TMEM131L: variants seen among roughly 807,000 people sequenced by gnomAD.
TMEM131L encodes transmembrane 131 like, also known as transmembrane protein 131-like.
A neutral mutation model predicts 192.2 loss-of-function variants in TMEM131L; 54 were observed. The ratio of observed to expected loss-of-function variants is 0.28; its 90% CI spans 0.23 to 0.35. The LOEUF is 0.35. Ranked by LOEUF, TMEM131L falls within the 10% of genes least tolerant of loss-of-function variation. The pLI is 1.00. For missense variants in TMEM131L, 1,888 were observed against 1,972.9 expected (o/e 0.96, Z 0.82); for synonymous variants, 701 against 704.9 (o/e 0.99, Z 0.09).
intron 3 of TMEM131L, among the ~76,000 whole-genome samples, chr4:153,497,878 C>CAAAAAAAAA (rs200874155): frequency 4.3e-5 from 3 of 70,342 alleles, no homozygotes; most frequent in African/African-American, 1.5e-4. Context: ...GAAAAATTTC[C>CAAAAAAAAA]AAAAAAAAAA....
chr4:153,564,656 G>A (rs943065807), intron 7 of TMEM131L, among the ~76,000 whole-genome samples: 2 of 152,144 alleles, frequency 1.3e-5, no homozygotes, highest in African/African-American at 4.8e-5. Flanking sequence ...GACAGGCTGA[G>A]GCTCTCCTCC....
chr4:153,580,062 A>G (rs1468337929), intron 7 of TMEM131L, among the ~76,000 whole-genome samples: 1 of 152,200 alleles, frequency 6.6e-6, no homozygotes, highest in Non-Finnish European at 1.5e-5. Flanking sequence ...AACTTAATGA[A>G]AGAGGAAGTC....
At chr4:153,573,260 C>G (rs373611122) in intron 7 of TMEM131L, among the ~76,000 whole-genome samples, 41 of 152,374 alleles carry the variant, frequency 2.7e-4, no homozygotes, top group African/African-American at 9.1e-4. Context: ...TAGCCTAATT[C>G]TCGCCACAGC....
intron 3 of TMEM131L, among the ~76,000 whole-genome samples, chr4:153,508,584 G>A (rs978590465): frequency 4.6e-5 from 7 of 151,766 alleles, no homozygotes; most frequent in East Asian, 3.9e-4. Context: ...CGTTGATAAT[G>A]TTTTCCACTA....
chr4:153,523,113 G>A (rs1428911351), intron 3 of TMEM131L, among the ~76,000 whole-genome samples: 1 of 152,118 alleles, frequency 6.6e-6, no homozygotes, highest in Non-Finnish European at 1.5e-5. Context: ...ATAGTTTAAG[G>A]CCATAGGATT....
chr4:153,609,984 G>A (rs1732504100), intron 25 of TMEM131L, among the ~76,000 whole-genome samples: 1 of 152,080 alleles, frequency 6.6e-6, no homozygotes, highest in Non-Finnish European at 1.5e-5. Flanking sequence ...ATATCTAACC[G>A]CCAGTTTGTG....
chr4:153,549,272 G>A (rs1267984763), intron 3 of TMEM131L, among the ~76,000 whole-genome samples: 1 of 152,180 alleles, frequency 6.6e-6, no homozygotes, highest in Non-Finnish European at 1.5e-5. Flanking sequence ...CAGCCAAAAA[G>A]ATTCTATTTT....
At chr4:153,627,259 C>T (rs1733910787) in intron 30 of TMEM131L, among the ~76,000 whole-genome samples, 2 of 152,160 alleles carry the variant, frequency 1.3e-5, no homozygotes, top group Non-Finnish European at 2.9e-5. Flanking sequence ...TTTCTGTCAT[C>T]TCTGACTAGG....
rs1734492233 is a variant in TMEM131L at position 153,635,302 on chromosome 4, A to C, written c.4418-130A>C. On this transcript the variant is annotated intron_variant, in intron 33 of 34. Transcript: ENST00000409959. ...GATGTTGCAACGACTCTCCTGGTCCACACGGACCAAGTATTTATGTCTGTA... is the reference window on the plus strand; with the variant it reads ...GATGTTGCAACGACTCTCCTGGTCCCCACGGACCAAGTATTTATGTCTGTA... 8.7e-6 allele frequency: 7 copies of C among 803,910 alleles called. No individual in the cohort carries two copies. In the East Asian group the frequency reaches 1.8e-4, roughly 21 times the overall value. 49.8% of individuals were successfully genotyped at this position (803,910 alleles called of 1,614,324 possible).
At chr4:153,570,449 T>A (rs1429735635) in intron 7 of TMEM131L, among the ~76,000 whole-genome samples, 2 of 152,070 alleles carry the variant, frequency 1.3e-5, no homozygotes, top group Non-Finnish European at 2.9e-5. Flanking sequence ...CTAATCTGGG[T>A]ACTTTGGGGG....
chr4:153,584,784 A>G (rs770442720), intron 11 of TMEM131L, 51 bp from the exon 12 acceptor site: 1 of 1,299,060 alleles, frequency 7.7e-7, no homozygotes. Flanking sequence ...GTTCAGGCTT[A>G]ATGAAAGAAA....
At chr4:153,626,014 A>G (rs1733819703) in intron 29 of TMEM131L, 133 bp from the exon 30 acceptor site, 14 of 590,546 alleles carry the variant, frequency 2.4e-5, no homozygotes, top group Non-Finnish European at 4.2e-5. Flanking sequence ...TAATTAAAAA[A>G]TGTGAGAATA....
At chr4:153,517,743 A>C (rs1734834535) in intron 3 of TMEM131L, among the ~76,000 whole-genome samples, 1 of 152,206 alleles carries the variant, frequency 6.6e-6, no homozygotes, top group Admixed American at 6.5e-5. Flanking sequence ...TCTTGTGTGC[A>C]GTGTCTGTGT....
intron 3 of TMEM131L, among the ~76,000 whole-genome samples, chr4:153,530,434 C>T (rs1189617703): frequency 6.6e-6 from 1 of 151,974 alleles, no homozygotes; most frequent in Non-Finnish European, 1.5e-5. Flanking sequence ...AGTTTCCCCA[C>T]AGGAAGGGGA....
chr4:153,506,237 T>A (rs541803085), intron 3 of TMEM131L, among the ~76,000 whole-genome samples: 29 of 152,114 alleles, frequency 1.9e-4, no homozygotes, highest in Non-Finnish European at 3.8e-4. Context: ...ATTTCAAAGA[T>A]AAAGAGAAAA....
intron 7 of TMEM131L, among the ~76,000 whole-genome samples, chr4:153,562,152 C>T (rs1728888986): frequency 6.6e-6 from 1 of 151,886 alleles, no homozygotes; most frequent in Non-Finnish European, 1.5e-5. Context: ...ATTCTGCTGC[C>T]TCAGCCTCCT....
chr4:153,503,173 C>T (rs1457163135), intron 3 of TMEM131L, among the ~76,000 whole-genome samples: 1 of 152,214 alleles, frequency 6.6e-6, no homozygotes, highest in Non-Finnish European at 1.5e-5. Context: ...TTCTCAAAAA[C>T]CTTAACACTT....
At chr4:153,517,686 C>G (rs531353140) in intron 3 of TMEM131L, among the ~76,000 whole-genome samples, 1 of 152,270 alleles carries the variant, frequency 6.6e-6, no homozygotes, top group African/African-American at 2.4e-5. Flanking sequence ...CTCCTGAAAA[C>G]TATGGTAGCA....
At chr4:153,526,206 C>T (rs977323603) in intron 3 of TMEM131L, among the ~76,000 whole-genome samples, 2 of 152,206 alleles carry the variant, frequency 1.3e-5, no homozygotes, top group African/African-American at 2.4e-5. Flanking sequence ...TGCTGCTGGT[C>T]TGTGGATCAT....
Sources: allele counts gnomAD v4.1 joint callset (sites outside exome capture counted in the v4.1 genomes callset), GRCh38; gene constraint gnomAD v4.1.1; transcripts MANE v1.5; gene names NCBI Gene and HGNC (gene_info 2026-07-23, HGNC 2026-07-21).